CADM2: variants seen among roughly 807,000 people sequenced by gnomAD.
CADM2 encodes the protein cell adhesion molecule 2.
A neutral mutation model predicts 49.8 loss-of-function variants in CADM2; 12 were observed. That is an observed-to-expected ratio of 0.24 (90% CI 0.15 to 0.39). CADM2 has a LOEUF of 0.39. CADM2 is among the 10% of genes least tolerant of loss of function. CADM2 has a pLI of 1.00. For synonymous variants in CADM2, 214 were observed against 175.4 expected, an observed-to-expected ratio of 1.22 and a Z score of -1.74; for missense variants, 378 against 492.3, an observed-to-expected ratio of 0.77 and a Z score of 2.20.
chr3:85,979,138 G>C (rs772857219), intron 8 of CADM2: 6 of 1,602,136 alleles, frequency 3.7e-6, no homozygotes, highest in Middle Eastern at 1.7e-4. Flanking sequence ...ATATGATTTT[G>C]TTTATATTTT....
At chr3:84,991,147 G>A (rs2032861740) in intron 1 of CADM2, among the ~76,000 whole-genome samples, 1 of 152,008 alleles carries the variant, frequency 6.6e-6, no homozygotes, top group East Asian at 1.9e-4. Context: ...TCTTCTCATG[G>A]CCTGCAAGGA....
chr3:86,031,464 A>G (rs1156408315), intron 8 of CADM2, among the ~76,000 whole-genome samples: 2 of 151,826 alleles, frequency 1.3e-5, no homozygotes, highest in Admixed American at 6.6e-5. Context: ...TCAAATTTCA[A>G]CCAGTAGTTT....
intron 1 of CADM2, among the ~76,000 whole-genome samples, chr3:85,336,756 G>T (rs1057073936): frequency 6.7e-6 from 1 of 149,264 alleles, no homozygotes; most frequent in Non-Finnish European, 1.5e-5. Flanking sequence ...TAAAAATTTC[G>T]TATATGAAAC....
At position 85,020,992 on chromosome 3, in the gene CADM2, CTG is replaced by C. The variant is rs201763295; in HGVS notation, c.61+61326_61+61327del. Among the ~76,000 whole-genome samples, 371 of 151,762 alleles carry C rather than the reference CTG, an allele frequency of 2.4e-3. 2 individuals are homozygous for C. The highest frequency in any genetic ancestry group is 8.4e-3 in the African/African-American group (346 of 41,372). ...CTGGGCCAGGAGCCAGGGCTCACGA[CTG>C]TAATTGCAGCACTTTGGGAGGCCAA... is the stretch of plus-strand genomic sequence containing the variant. On this transcript the variant is annotated intron_variant, in intron 1 of 9. Transcript: ENST00000383699.
At chr3:85,787,734 A>T (rs910041812) in intron 2 of CADM2, among the ~76,000 whole-genome samples, 5 of 152,160 alleles carry the variant, frequency 3.3e-5, no homozygotes, top group African/African-American at 1.2e-4. Flanking sequence ...AATGTAAATG[A>T]GTCATATCAC....
intron 1 of CADM2, among the ~76,000 whole-genome samples, chr3:85,161,134 A>G (rs536990188): frequency 6.6e-6 from 1 of 152,326 alleles, no homozygotes; most frequent in Non-Finnish European, 1.5e-5. Flanking sequence ...CGCTTTAGCT[A>G]AAAGAGAAGA....
chr3:85,738,365 AT>A (rs1278948012), intron 2 of CADM2, among the ~76,000 whole-genome samples: 1 of 152,154 alleles, frequency 6.6e-6, no homozygotes, highest in Non-Finnish European at 1.5e-5. Context: ...TGCATGAAAT[AT>A]TTTTTCCTTA....
intron 8 of CADM2, among the ~76,000 whole-genome samples, chr3:86,041,048 A>T (rs553732936): frequency 1.3e-5 from 2 of 152,268 alleles, no homozygotes; most frequent in South Asian, 4.1e-4. Context: ...TTTTGTCACC[A>T]CCAGGCCTGC....
intron 1 of CADM2, among the ~76,000 whole-genome samples, chr3:85,439,416 G>C (rs1266282786): frequency 6.6e-6 from 1 of 152,016 alleles, no homozygotes; most frequent in Non-Finnish European, 1.5e-5. Context: ...GCCTATCAAA[G>C]TGCTGGGATT....
At chr3:85,876,154 T>C (rs144525804) in intron 3 of CADM2, among the ~76,000 whole-genome samples, 1 of 152,294 alleles carries the variant, frequency 6.6e-6, no homozygotes, top group African/African-American at 2.4e-5. Context: ...AGTGTTTGTC[T>C]TGGCTAAAGT....
intron 1 of CADM2, among the ~76,000 whole-genome samples, chr3:85,650,564 A>T (rs1192601975): frequency 5.3e-5 from 8 of 151,602 alleles, no homozygotes; most frequent in Non-Finnish European, 1.2e-4. Context: ...ATTTTTCTAG[A>T]ACAGTGGTTC....
chr3:85,760,058 T>G (rs935227312), intron 2 of CADM2, among the ~76,000 whole-genome samples: 1 of 152,128 alleles, frequency 6.6e-6, no homozygotes, highest in Non-Finnish European at 1.5e-5. Context: ...AGAAGGACCT[T>G]TTGTGATCTC....
At chr3:86,056,130 G>A (rs1030969835) in intron 8 of CADM2, among the ~76,000 whole-genome samples, 1 of 152,114 alleles carries the variant, frequency 6.6e-6, no homozygotes, top group Non-Finnish European at 1.5e-5. Context: ...TATCACACAG[G>A]TAATCTCCTC....
intron 1 of CADM2, among the ~76,000 whole-genome samples, chr3:84,992,612 A>AGT (rs1355053896): frequency 6.6e-6 from 1 of 152,184 alleles, no homozygotes; most frequent in African/African-American, 2.4e-5. Context: ...CTGGTGACAG[A>AGT]GTGAGACTCC....
At chr3:85,216,384 CTT>C (rs2041927739) in intron 1 of CADM2, among the ~76,000 whole-genome samples, 2 of 144,984 alleles carry the variant, frequency 1.4e-5, no homozygotes, top group South Asian at 4.2e-4. Flanking sequence ...TTAATGTACA[CTT>C]ATATTAATTA....
At chr3:86,029,433 G>A (rs1321099860) in intron 8 of CADM2, among the ~76,000 whole-genome samples, 4 of 151,822 alleles carry the variant, frequency 2.6e-5, no homozygotes, top group Non-Finnish European at 5.9e-5. Flanking sequence ...CGTTATTTGT[G>A]GGGAACAAAA....
chr3:85,282,188 T>A (rs566746014), intron 1 of CADM2, among the ~76,000 whole-genome samples: 36 of 151,342 alleles, frequency 2.4e-4, no homozygotes, highest in South Asian at 6.2e-4. Context: ...CATTTTTTTT[T>A]AAATTAGATA....
intron 3 of CADM2, among the ~76,000 whole-genome samples, chr3:85,836,353 T>C (rs1260654681): frequency 6.6e-6 from 1 of 151,624 alleles, no homozygotes; most frequent in African/African-American, 2.4e-5. Context: ...GAAAAAACTG[T>C]GGTCACATAT....
At chr3:85,337,315 G>A (rs1399581522) in intron 1 of CADM2, among the ~76,000 whole-genome samples, 1 of 150,814 alleles carries the variant, frequency 6.6e-6, no homozygotes, top group Non-Finnish European at 1.5e-5. Context: ...TTAATGAGGG[G>A]CAAAAAGAAA....
Sources: gnomAD v4.1 joint callset for allele counts (sites outside exome capture counted in the v4.1 genomes callset) on GRCh38, gnomAD v4.1.1 for gene constraint, MANE v1.5 for transcripts, NCBI Gene and HGNC (gene_info 2026-07-23, HGNC 2026-07-21) for gene names.